KIRREL3: variants seen among roughly 807,000 people sequenced by gnomAD.
The protein encoded by KIRREL3 is kin of IRRE-like protein 3.
KIRREL3 carries 36 observed loss-of-function variants against 89.7 expected under a neutral mutation model. The ratio of observed to expected loss-of-function variants is 0.40; its 90% CI spans 0.31 to 0.53. KIRREL3 has a LOEUF of 0.53. KIRREL3 is among the 20% of genes least tolerant of loss of function. KIRREL3 has a pLI of 0.49. For missense variants in KIRREL3, 864 were observed against 1,056.6 expected, an observed-to-expected ratio of 0.82 and a Z score of 2.53; for synonymous variants, 445 against 441.4, an observed-to-expected ratio of 1.01 and a Z score of -0.10.
At chr11:127,001,357 A>T (rs1342669652), upstream of KIRREL3, among the ~76,000 whole-genome samples, 4 of 145,820 alleles carry the variant, frequency 2.7e-5, no homozygotes, top group Non-Finnish European at 6.0e-5. Flanking sequence ...TTTGGATCTT[A>T]GTTTGCTTTG....
chr11:126,982,834 A>T (rs548330570), intron 1 of KIRREL3, among the ~76,000 whole-genome samples: 1 of 152,314 alleles, frequency 6.6e-6, no homozygotes, highest in Admixed American at 6.5e-5. Flanking sequence ...TCTCTATTTC[A>T]TCTCAACTAC....
chr11:126,749,206 G>T (rs1026564337), intron 1 of KIRREL3, among the ~76,000 whole-genome samples: 1 of 152,112 alleles, frequency 6.6e-6, no homozygotes, highest in Non-Finnish European at 1.5e-5. Flanking sequence ...CGTTCATTTC[G>T]ACTGTTTTCG....
rs181403272 is a variant in KIRREL3, at chr11:126,723,462, C to A, written c.56-160550G>T. 3.1e-3 allele frequency among the ~76,000 whole-genome samples: 477 copies of A among 152,308 alleles called. 2 individuals are homozygous for A. The highest frequency in any genetic ancestry group is 6.8e-3 in the Middle Eastern group (2 of 294). Reference sequence around the variant, plus strand: ...TAAAAAAATCAACTCTCCTCAGCCTCCAGACACACATGCTCTGTGGCATCA... The same window carrying A: ...TAAAAAAATCAACTCTCCTCAGCCTACAGACACACATGCTCTGTGGCATCA... On this transcript the variant is annotated intron_variant, in intron 1 of 16. Transcript: ENST00000525144. This position sits in a 1 kb window ranked among gnomAD's most constrained non-coding sequence, Gnocchi z 4.0.
intron 1 of KIRREL3, among the ~76,000 whole-genome samples, chr11:126,951,947 T>G (rs61905148): frequency 0.23 from 34,701 of 152,094 alleles, 4,595 homozygotes; most frequent in East Asian, 0.64. Flanking sequence ...GAAAGAAGAA[T>G]GGAAATTATG....
intron 1 of KIRREL3, among the ~76,000 whole-genome samples, chr11:126,586,183 C>G (rs779594824): frequency 4.6e-5 from 7 of 152,194 alleles, no homozygotes; most frequent in Non-Finnish European, 7.3e-5. Flanking sequence ...CACAGCAAGG[C>G]ATTTGGCCCA....
chr11:126,499,317 TC>T (rs901889069), intron 4 of KIRREL3, among the ~76,000 whole-genome samples: 4 of 152,130 alleles, frequency 2.6e-5, no homozygotes, highest in African/African-American at 7.2e-5. Flanking sequence ...CCTCGGGACT[TC>T]CCCTTTCTTT....
At chr11:126,781,718 G>A (rs755588934) in intron 1 of KIRREL3, among the ~76,000 whole-genome samples, 7 of 152,102 alleles carry the variant, frequency 4.6e-5, no homozygotes, top group Non-Finnish European at 7.3e-5. Flanking sequence ...CATGCATCAC[G>A]CAAGGACACC....
At chr11:126,702,313 A>T (rs1947343159) in intron 1 of KIRREL3, among the ~76,000 whole-genome samples, 1 of 152,246 alleles carries the variant, frequency 6.6e-6, no homozygotes, top group Non-Finnish European at 1.5e-5. Flanking sequence ...CAAATGAAAG[A>T]AAGCAATCTT....
At chr11:126,629,349 G>A (rs1164873572) in intron 1 of KIRREL3, among the ~76,000 whole-genome samples, 1 of 152,176 alleles carries the variant, frequency 6.6e-6, no homozygotes, top group Non-Finnish European at 1.5e-5. Context: ...AGTGGCAGCT[G>A]CCAGCCTTGT....
rs1240501539 is a variant in KIRREL3, at chr11:126,645,138, G to A, written c.56-82226C>T. 6.6e-6 allele frequency among the ~76,000 whole-genome samples: 1 copy of A among 152,182 alleles called. No individual in the cohort carries two copies. Among genetic ancestry groups the A allele is most frequent in the African/African-American group, 2.4e-5 (1 of 41,440 alleles). On this transcript the variant is annotated intron_variant, in intron 1 of 16. Coordinates refer to ENST00000525144, the MANE Select transcript of KIRREL3 (RefSeq NM_032531.4). This position sits in a 1 kb window ranked among gnomAD's most constrained non-coding sequence, Gnocchi z 4.9. The stretch of plus-strand genomic sequence containing the variant: ...ATATCGCAAGAGGGGTGCAGACTGG[G>A]CGTTATGAAGGAAAAAGCTGGAGGA...
Position 126,423,775 on chromosome 11 carries a change from G to T in KIRREL3, c.*805C>A. 6.6e-6 allele frequency: 1 copy of T among 152,596 alleles called. No individual in the cohort carries two copies. 9.5% of individuals were successfully genotyped at this position (152,596 alleles called of 1,614,324 possible). On this transcript the variant is annotated 3_prime_UTR_variant, in exon 17 of 17. Coordinates refer to ENST00000525144, the MANE Select transcript of KIRREL3 (RefSeq NM_032531.4). ...TCCGATTGTGCTGAGGGGGAGGGGA[G>T]GAGTACACAAAGCAGGAGGTGGGTG...
chr11:126,921,405 AT>A (rs1947276097), intron 1 of KIRREL3, among the ~76,000 whole-genome samples: 1 of 134,438 alleles, frequency 7.4e-6, no homozygotes, highest in Non-Finnish European at 1.7e-5. Flanking sequence ...CTATCTATCT[AT>A]CTATCTATCT....
rs567746871 is a variant in KIRREL3, at chr11:126,892,388, A to G, written c.55+108067T>C. On this transcript the variant is annotated intron_variant, in intron 1 of 16. Transcript: ENST00000525144. The surrounding 1 kb of genome is among the most constrained non-coding windows in gnomAD (Gnocchi z 5.4). ...TCACTGCTTGTGGTTTGTAAGTTTT[A>G]TGACTCGATTTTAATCTGTACCATT... is the stretch of plus-strand genomic sequence containing the variant. Among the ~76,000 whole-genome samples, 3 of 152,176 alleles carry G rather than the reference A, an allele frequency of 2.0e-5. No homozygotes were observed. Among genetic ancestry groups the G allele is most frequent in the African/African-American group, 7.2e-5 (3 of 41,516 alleles).
chr11:126,488,841 G>A (rs1957434405), intron 4 of KIRREL3, among the ~76,000 whole-genome samples: 1 of 152,142 alleles, frequency 6.6e-6, no homozygotes, highest in African/African-American at 2.4e-5. Context: ...GGTGTCCAAA[G>A]CCCCACAGCA....
chr11:126,450,581 ATGTGCATG>A (rs895920269), intron 7 of KIRREL3, among the ~76,000 whole-genome samples: 11 of 134,702 alleles, frequency 8.2e-5, no homozygotes, highest in African/African-American at 1.7e-4. Flanking sequence ...GCATGTGTGC[ATGTGCATG>A]TGTGCATGTG....
At chr11:126,832,574 A>G (rs1592194096) in intron 1 of KIRREL3, among the ~76,000 whole-genome samples, 1 of 152,098 alleles carries the variant, frequency 6.6e-6, no homozygotes, top group Non-Finnish European at 1.5e-5. Flanking sequence ...TCTGTATCTC[A>G]TTATGGCAGA....
At position 126,521,445 on chromosome 11, in the gene KIRREL3, C is replaced by A. The variant is rs1402419721; in HGVS notation, c.303G>T (p.Val101=). ...GCTCCCCTGACAGGTGGTTCCCTAC[C>A]ACCAGGTACTGTGGGTAACCTGTGG... ...RDLSSYPQYL[V]VGNHLSGEHH... Residue 101 remains valine, a synonymous_variant, in exon 4 of 17, where the codon GTG becomes GTT. Transcript: ENST00000525144. The surrounding 1 kb of genome is among the most constrained non-coding windows in gnomAD (Gnocchi z 4.1). The A allele has an allele frequency of 2.5e-6, 4 of 1,582,916 alleles. No homozygotes were observed. Among genetic ancestry groups the A allele is most frequent in the South Asian group, 2.3e-5 (2 of 86,200 alleles).
chr11:126,511,315 C>T (rs182662483), intron 4 of KIRREL3, among the ~76,000 whole-genome samples: 292 of 140,002 alleles, frequency 2.1e-3, no homozygotes, highest in Non-Finnish European at 3.7e-3. Context: ...CAGAGGGAGA[C>T]TCCATCTCAA....
chr11:126,863,882 G>A (rs1295048409), intron 1 of KIRREL3, among the ~76,000 whole-genome samples: 1 of 152,206 alleles, frequency 6.6e-6, no homozygotes, highest in African/African-American at 2.4e-5. Context: ...AAGGTAGGCT[G>A]CAGGTCTTGC....
Sources: gnomAD v4.1 joint callset for allele counts (sites outside exome capture counted in the v4.1 genomes callset) on GRCh38, gnomAD v4.1.1 for gene constraint, Gnocchi (gnomAD v3.1) non-coding constraint, MANE v1.5 for transcripts, NCBI Gene and HGNC (gene_info 2026-07-23, HGNC 2026-07-21) for gene names.